SGCZ: variants seen among roughly 807,000 people sequenced by gnomAD.
SGCZ encodes zeta-sarcoglycan.
In SGCZ, 40 loss-of-function variants were observed where a neutral mutation model predicts 41.3. The ratio of observed to expected loss-of-function variants is 0.97; its 90% CI spans 0.75 to 1.26. SGCZ has a LOEUF of 1.26. SGCZ is among the 50% of genes most tolerant of loss of function. SGCZ has a pLI of 0.00. For missense variants in SGCZ, 552 were observed against 369.8 expected (o/e 1.49, Z -4.04); for synonymous variants, 206 against 137.5 (o/e 1.50, Z -3.49).
At chr8:14,473,947 A>T (rs1389676217) in intron 2 of SGCZ, among the ~76,000 whole-genome samples, 2 of 151,818 alleles carry the variant, frequency 1.3e-5, no homozygotes, top group Admixed American at 1.3e-4. Context: ...CAAAAAAAAA[A>T]AAAAAGTTTT....
At chr8:15,018,518 G>C (rs779425141) in intron 1 of SGCZ, among the ~76,000 whole-genome samples, 1 of 152,192 alleles carries the variant, frequency 6.6e-6, no homozygotes, top group South Asian at 2.1e-4. Flanking sequence ...CCAGCCCTAC[G>C]TCTGGTGGAG....
chr8:14,635,263 C>T (rs1299578623), intron 1 of SGCZ, among the ~76,000 whole-genome samples: 2 of 151,842 alleles, frequency 1.3e-5, no homozygotes, highest in East Asian at 3.9e-4. Context: ...CATTTACTTG[C>T]TCAATCTGTT....
intron 2 of SGCZ, among the ~76,000 whole-genome samples, chr8:14,373,662 G>T (rs1803995546): frequency 6.6e-6 from 1 of 152,192 alleles, no homozygotes; most frequent in South Asian, 2.1e-4. Context: ...TGAATTTGCA[G>T]TCACTAAATG....
intron 4 of SGCZ, among the ~76,000 whole-genome samples, chr8:14,171,885 C>T (rs1804394162): frequency 6.6e-6 from 1 of 152,026 alleles, no homozygotes; most frequent in Admixed American, 6.6e-5. Context: ...TGTCATAAAT[C>T]AGTGAATTAA....
At chr8:14,690,912 T>TA (rs1808780129) in intron 1 of SGCZ, among the ~76,000 whole-genome samples, 1 of 152,204 alleles carries the variant, frequency 6.6e-6, no homozygotes, top group South Asian at 2.1e-4. Context: ...TAAAGTCATG[T>TA]ATGTGCTGTA....
At chr8:14,820,901 A>C (rs140415135) in intron 1 of SGCZ, among the ~76,000 whole-genome samples, 1 of 150,340 alleles carries the variant, frequency 6.7e-6, no homozygotes, top group African/African-American at 2.4e-5. Context: ...AATAAAAAAC[A>C]TAAAAACACC....
At chr8:15,049,938 C>T (rs1263043705) in intron 1 of SGCZ, among the ~76,000 whole-genome samples, 2 of 152,102 alleles carry the variant, frequency 1.3e-5, no homozygotes, top group African/African-American at 4.8e-5. Flanking sequence ...TCCTCCACAG[C>T]CATCTGAAAC....
chr8:15,061,028 C>T (rs1804904147), intron 1 of SGCZ, among the ~76,000 whole-genome samples: 1 of 152,144 alleles, frequency 6.6e-6, no homozygotes, highest in Non-Finnish European at 1.5e-5. Flanking sequence ...ATTTCTTCCA[C>T]ACATTTCTAC....
At chr8:14,769,164 AG>A (rs1233632980) in intron 1 of SGCZ, among the ~76,000 whole-genome samples, 1 of 152,148 alleles carries the variant, frequency 6.6e-6, no homozygotes, top group Non-Finnish European at 1.5e-5. Flanking sequence ...TTAGGGAGCG[AG>A]GGAAAAACAG....
chr8:14,997,947 G>A (rs529772264), intron 1 of SGCZ, among the ~76,000 whole-genome samples: 1 of 151,924 alleles, frequency 6.6e-6, no homozygotes, highest in East Asian at 1.9e-4. Context: ...GCGAAAGAGT[G>A]AGACTCTGTC....
At chr8:14,302,169 C>A (rs1282810748) in intron 3 of SGCZ, among the ~76,000 whole-genome samples, 5 of 152,040 alleles carry the variant, frequency 3.3e-5, no homozygotes, top group Admixed American at 6.6e-5. Flanking sequence ...TATTCAAATA[C>A]ACCTCTTAAC....
intron 4 of SGCZ, among the ~76,000 whole-genome samples, chr8:14,200,502 C>T (rs1805418347): frequency 6.6e-6 from 1 of 152,072 alleles, no homozygotes; most frequent in South Asian, 2.1e-4. Context: ...AAAGGACTGA[C>T]CAATCGACCA....
intron 1 of SGCZ, among the ~76,000 whole-genome samples, chr8:15,075,666 A>C (rs913286022): frequency 6.6e-6 from 1 of 152,140 alleles, no homozygotes; most frequent in African/African-American, 2.4e-5. Context: ...TCTCCTATCT[A>C]CCTGTCTATT....
At chr8:15,085,651 G>C (rs1585547963) in intron 1 of SGCZ, among the ~76,000 whole-genome samples, 1 of 152,140 alleles carries the variant, frequency 6.6e-6, no homozygotes. Flanking sequence ...TCCAGAACAA[G>C]TTGAACTATA....
intron 1 of SGCZ, among the ~76,000 whole-genome samples, chr8:15,060,483 C>A (rs1308715440): frequency 1.6e-5 from 2 of 123,574 alleles, no homozygotes; most frequent in Non-Finnish European, 3.1e-5. Context: ...AACACTTGGA[C>A]ATAGGAAGGG....
chr8:14,667,294 T>C (rs545659028), intron 1 of SGCZ, among the ~76,000 whole-genome samples: 1 of 152,302 alleles, frequency 6.6e-6, no homozygotes, highest in South Asian at 2.1e-4. Context: ...TTAGGAAAGT[T>C]ATTTGGCTCC....
At chr8:14,548,539 G>C (rs1172291401) in intron 2 of SGCZ, among the ~76,000 whole-genome samples, 1 of 152,034 alleles carries the variant, frequency 6.6e-6, no homozygotes, top group Non-Finnish European at 1.5e-5. Context: ...TAAAAATTTG[G>C]AGTCTATGTT....
intron 1 of SGCZ, among the ~76,000 whole-genome samples, chr8:15,160,118 C>CA (rs1175353113): frequency 6.6e-6 from 1 of 152,002 alleles, no homozygotes; most frequent in Non-Finnish European, 1.5e-5. Context: ...AACCAGTCTC[C>CA]AAAACGATTT....
At chr8:14,505,199 T>G (rs1274337635) in intron 2 of SGCZ, among the ~76,000 whole-genome samples, 2 of 152,164 alleles carry the variant, frequency 1.3e-5, no homozygotes, top group Non-Finnish European at 2.9e-5. Flanking sequence ...ACTGAGTTAT[T>G]AAAGGTTCTT....
Sources: allele counts gnomAD v4.1 joint callset (sites outside exome capture counted in the v4.1 genomes callset), GRCh38; gene constraint gnomAD v4.1.1; transcripts MANE v1.5; gene names NCBI Gene and HGNC (gene_info 2026-07-23, HGNC 2026-07-21).